Variants in CNTNAP5 observed in about 807,000 individuals in gnomAD.
CNTNAP5 encodes the protein contactin-associated protein-like 5.
In CNTNAP5, 72 loss-of-function variants were observed where a neutral mutation model predicts 150.2. That is an observed-to-expected ratio of 0.48 (90% confidence interval 0.40 to 0.58). The LOEUF (loss-of-function observed/expected upper bound fraction) is 0.58. Ranked by LOEUF, CNTNAP5 falls within the 20% of genes least tolerant of loss-of-function variation. The pLI, the probability that CNTNAP5 is intolerant of heterozygous loss-of-function variation, is 0.00. For missense variants in CNTNAP5, 1,636 were observed against 1,626.2 expected (o/e 1.01, Z -0.10); for synonymous variants, 672 against 619.8 (o/e 1.08, Z -1.25).
chr2:124,839,246 A>T (rs771492387), intron 19 of CNTNAP5, among the ~76,000 whole-genome samples: 1 of 152,026 alleles, frequency 6.6e-6, no homozygotes, highest in Non-Finnish European at 1.5e-5. Flanking sequence ...TATAAAGGGG[A>T]TAAAGTATAA....
chr2:124,510,239 ATATATC>A (rs1160060207), intron 8 of CNTNAP5, among the ~76,000 whole-genome samples: 27 of 141,614 alleles, frequency 1.9e-4, no homozygotes, highest in African/African-American at 6.8e-4. Flanking sequence ...TTATATATCT[ATATATC>A]TATATCTATA....
chr2:124,172,421 T>C (rs1365016418), intron 1 of CNTNAP5, among the ~76,000 whole-genome samples: 1 of 152,166 alleles, frequency 6.6e-6, no homozygotes, highest in Non-Finnish European at 1.5e-5. Context: ...TCTTTTTCTT[T>C]CTTTCTTTTG....
chr2:124,566,222 C>T (rs1173351751), intron 11 of CNTNAP5, among the ~76,000 whole-genome samples: 6 of 152,108 alleles, frequency 3.9e-5, no homozygotes. Context: ...AATTTAATAG[C>T]AAGACAAGGG....
intron 21 of CNTNAP5, among the ~76,000 whole-genome samples, chr2:124,883,910 A>G (rs896868605): frequency 6.6e-6 from 1 of 152,014 alleles, no homozygotes; most frequent in South Asian, 2.1e-4. Flanking sequence ...GCACATGTAT[A>G]TGTGTGTGTG....
At chr2:124,172,892 A>T (rs566330826) in intron 1 of CNTNAP5, among the ~76,000 whole-genome samples, 2 of 152,222 alleles carry the variant, frequency 1.3e-5, no homozygotes, top group Admixed American at 6.5e-5. Flanking sequence ...TTCACTTTGA[A>T]GATATTATAC....
chr2:124,810,021 A>G (rs556094588), intron 19 of CNTNAP5, among the ~76,000 whole-genome samples: 1 of 152,340 alleles, frequency 6.6e-6, no homozygotes, highest in Non-Finnish European at 1.5e-5. Context: ...AAAACACCAC[A>G]GTTCTAAGCG....
chr2:124,706,291 G>T (rs1679635963), intron 13 of CNTNAP5, among the ~76,000 whole-genome samples: 2 of 152,174 alleles, frequency 1.3e-5, no homozygotes, highest in Non-Finnish European at 2.9e-5. Flanking sequence ...CAACTCTTTT[G>T]TGTCTTGCAG....
chr2:124,914,215 T>C lies in CNTNAP5; in HGVS notation c.3851T>C (p.Leu1284Ser). ...AAGGAGAAGGAATATCCAGAAAATT[T>C]GGACAGTTCCTTCAGAAATGAAATT... is the stretch of plus-strand genomic sequence containing the variant. ...QMKEKEYPENLDSSFRNEIDL... is the reference protein window; with the variant it reads ...QMKEKEYPENSDSSFRNEIDL... Residue 1284 changes from leucine (L) to serine (S), a missense_variant, in exon 24 of 24, where the codon TTG becomes TCG. By Grantham distance (145) the Leu-to-Ser change is moderately radical. Transcript: ENST00000682447. 6.2e-7 allele frequency: 1 copy of C among 1,612,660 alleles called. No homozygotes were observed. Among genetic ancestry groups the C allele is most frequent in the East Asian group, 2.2e-5 (1 of 44,760 alleles).
intron 3 of CNTNAP5, among the ~76,000 whole-genome samples, chr2:124,338,209 T>C (rs1396337834): frequency 2.6e-5 from 4 of 152,150 alleles, no homozygotes; most frequent in Non-Finnish European, 2.9e-5. Context: ...TTTTTGCACA[T>C]TGATTTTGTA....
intron 13 of CNTNAP5, among the ~76,000 whole-genome samples, chr2:124,707,039 A>AAGAAGAAGAAGAAGGAGG (rs1553433616): frequency 1.2e-5 from 1 of 81,932 alleles, no homozygotes; most frequent in Admixed American, 1.5e-4. Flanking sequence ...GAAGAAGAAG[A>AAGAAGAAGAAGAAGGAGG]AGGAGGAGGA....
At chr2:124,120,158 G>A (rs907754983) in intron 1 of CNTNAP5, among the ~76,000 whole-genome samples, 5 of 152,116 alleles carry the variant, frequency 3.3e-5, no homozygotes, top group South Asian at 2.1e-4. Context: ...CAGCAATTAC[G>A]GTATAGGGCT....
At chr2:124,539,362 T>C (rs1256056103) in intron 10 of CNTNAP5, among the ~76,000 whole-genome samples, 1 of 152,168 alleles carries the variant, frequency 6.6e-6, no homozygotes, top group Non-Finnish European at 1.5e-5. Flanking sequence ...GCGTCATAGA[T>C]GCCATCCACT....
rs1284361103 is a variant in CNTNAP5, at chr2:124,917,446, T to G, written c.*3158T>G. On this transcript the variant is annotated 3_prime_UTR_variant, in exon 24 of 24. Coordinates refer to ENST00000682447, the MANE Select transcript of CNTNAP5 (RefSeq NM_001367498.1). The stretch of plus-strand genomic sequence containing the variant: ...ATTGCCATCTTTATGAAAATTTGTC[T>G]GGAGAAATAGACATTTGTCATTTCT... Among the ~76,000 whole-genome samples the G allele has an allele frequency of 6.6e-6, 1 of 152,142 alleles. No homozygotes were observed. Among genetic ancestry groups the G allele is most frequent in the African/African-American group, 2.4e-5 (1 of 41,462 alleles).
chr2:124,240,896 AAGG>A (rs1686869018), intron 2 of CNTNAP5, among the ~76,000 whole-genome samples: 1 of 152,178 alleles, frequency 6.6e-6, no homozygotes. Context: ...CTCAGTTACC[AAGG>A]AGATGTCCAA....
chr2:124,588,180 CTTT>C (rs1413132415), intron 11 of CNTNAP5, among the ~76,000 whole-genome samples: 43,065 of 105,612 alleles, frequency 0.41, 9,030 homozygotes, highest in East Asian at 0.58. Flanking sequence ...TTCCTTCCTT[CTTT>C]CTTTCTTTCT....
chr2:124,103,704 G>A (rs919716237), intron 1 of CNTNAP5, among the ~76,000 whole-genome samples: 3 of 151,742 alleles, frequency 2.0e-5, no homozygotes, highest in African/African-American at 4.8e-5. Flanking sequence ...ATGCGTGTAA[G>A]GACACACTGA....
intron 7 of CNTNAP5, among the ~76,000 whole-genome samples, chr2:124,476,550 T>C (rs1693645173): frequency 6.6e-6 from 1 of 151,986 alleles, no homozygotes; most frequent in Admixed American, 6.6e-5. Context: ...ATGAAGGGGG[T>C]TCCTCATGAT....
intron 3 of CNTNAP5, among the ~76,000 whole-genome samples, chr2:124,372,794 G>C (rs1690560684): frequency 6.6e-6 from 1 of 152,040 alleles, no homozygotes. Flanking sequence ...GTGCTAACTG[G>C]TACATGTACC....
At chr2:124,725,811 G>T (rs6745947) in intron 13 of CNTNAP5, among the ~76,000 whole-genome samples, 2 of 151,746 alleles carry the variant, frequency 1.3e-5, no homozygotes, top group African/African-American at 4.8e-5. Flanking sequence ...AGATCATAAG[G>T]TATTTGTCTT....
Sources: gnomAD v4.1 joint callset for allele counts (sites outside exome capture counted in the v4.1 genomes callset) on GRCh38, gnomAD v4.1.1 for gene constraint, MANE v1.5 for transcripts, NCBI Gene and HGNC (gene_info 2026-07-23, HGNC 2026-07-21) for gene names.